COL4A4: variants seen among roughly 807,000 people sequenced by gnomAD.
COL4A4 encodes the protein collagen alpha-4(IV) chain.
In COL4A4, 105 loss-of-function variants were observed where a neutral mutation model predicts 192.9. The observed-to-expected ratio is 0.54, with a 90% CI of 0.46 to 0.64. The LOEUF (loss-of-function observed/expected upper bound fraction) is 0.64. COL4A4 is among the 30% of genes least tolerant of loss of function. COL4A4 has a pLI of 0.00. For missense variants in COL4A4, 1,967 were observed against 2,169.3 expected (o/e 0.91, Z 1.85); for synonymous variants, 762 against 769.9 (o/e 0.99, Z 0.17).
At chr2:227,103,287 C>T in intron 13 of COL4A4, 90 bp from the exon 14 acceptor site, 1 of 1,049,282 alleles carries the variant, frequency 9.5e-7, no homozygotes, top group Non-Finnish European at 1.4e-6. Flanking sequence ...TTTTTACAAT[C>T]TGTTTCACCT....
intron 3 of COL4A4, among the ~76,000 whole-genome samples, chr2:227,141,381 C>T (rs2063198759): frequency 6.6e-6 from 1 of 152,178 alleles, no homozygotes; most frequent in East Asian, 1.9e-4. Flanking sequence ...TATTTATAGT[C>T]CCATGGAAGA....
intron 45 of COL4A4, among the ~76,000 whole-genome samples, chr2:227,011,815 G>C (rs1184742685): frequency 6.6e-6 from 1 of 152,196 alleles, no homozygotes; most frequent in African/African-American, 2.4e-5. Context: ...CACCGTCCCT[G>C]AGGTCTTCAT....
chr2:227,041,810 AAG>A (rs1480986094), intron 37 of COL4A4, among the ~76,000 whole-genome samples: 2 of 24,146 alleles, frequency 8.3e-5, no homozygotes, highest in African/African-American at 2.4e-4. Context: ...GAAAGGAAGA[AAG>A]AAAGAAAGAA....
At chr2:227,095,610 G>A (rs1487633502) in intron 19 of COL4A4, among the ~76,000 whole-genome samples, 9 of 152,128 alleles carry the variant, frequency 5.9e-5, no homozygotes. Context: ...ATAGCTGAAA[G>A]CTGGCCAGGC....
At position 227,048,557 on chromosome 2, in the gene COL4A4, GA is replaced by G. The variant is rs1468018087; in HGVS notation, c.3215-1009del. Among the ~76,000 whole-genome samples, 10 of 152,250 alleles carry G rather than the reference GA, an allele frequency of 6.6e-5. No individual in the cohort carries two copies. The East Asian group carries it at 1.4e-3, about 21-fold the overall frequency. On this transcript the variant is annotated intron_variant, in intron 34 of 47. Coordinates refer to ENST00000396625, the MANE Select transcript of COL4A4 (RefSeq NM_000092.5). ...GAAGCCAGTTGGTAGACAGGTAAGT[GA>G]AAAAATAGACCATGGGAAAAAGTGA...
rs766680844 is a variant in COL4A4, at chr2:227,121,561, C to CAAA, written c.193-416_193-414dup. On this transcript the variant is annotated intron_variant, in intron 4 of 47. Transcript: ENST00000396625. Reference sequence around the variant, plus strand: ...TGGGTGACAGAGACAGACCCTATCTCAAAAAAAAAAAAAAAGAAAAGAAAA... The same window carrying CAAA: ...TGGGTGACAGAGACAGACCCTATCTCAAAAAAAAAAAAAAAAAAGAAAAGAAAA... Among the ~76,000 whole-genome samples the CAAA allele has an allele frequency of 7.0e-3, 415 of 58,922 alleles. 4 individuals are homozygous for CAAA. The highest frequency in any genetic ancestry group is 0.021 in the African/African-American group (388 of 18,378). The allele number at this position is 58,922 out of a possible 152,430, so 38.7% of individuals were successfully genotyped here.
At position 227,121,732 on chromosome 2, in the gene COL4A4, T is replaced by C. The variant is rs555404344; in HGVS notation, c.193-584A>G. 2.0e-5 allele frequency among the ~76,000 whole-genome samples: 3 copies of C among 152,290 alleles called. No homozygotes were observed. The South Asian group carries it at 6.2e-4, about 32-fold the overall frequency. ...TATGATAAATTTCAATTACTGCACATGTGTATATGTATGTATGTGTGCAGT... is the reference window on the plus strand; with the variant it reads ...TATGATAAATTTCAATTACTGCACACGTGTATATGTATGTATGTGTGCAGT... On this transcript the variant is annotated intron_variant, in intron 4 of 47. Transcript: ENST00000396625.
intron 22 of COL4A4, among the ~76,000 whole-genome samples, chr2:227,083,900 A>G (rs1444774066): frequency 6.6e-6 from 1 of 152,240 alleles, no homozygotes; most frequent in Non-Finnish European, 1.5e-5. Flanking sequence ...TCAGGCAGTA[A>G]CAGTGAAGAG....
Position 227,068,696 on chromosome 2 carries a change from A to C in COL4A4, c.1988-6098T>G, listed in dbSNP as rs2058510376. 5.3e-5 allele frequency among the ~76,000 whole-genome samples: 8 copies of C among 151,780 alleles called. No individual in the cohort carries two copies. The South Asian group carries it at 1.7e-3, about 31-fold the overall frequency. ...TCATGCTAAAAACTCTCAATAAATTAGGTATTGATGGGACATATTTCAAAA... is the reference window on the plus strand; with the variant it reads ...TCATGCTAAAAACTCTCAATAAATTCGGTATTGATGGGACATATTTCAAAA... On this transcript the variant is annotated intron_variant, in intron 25 of 47. Transcript: ENST00000396625.
intron 21 of COL4A4, among the ~76,000 whole-genome samples, chr2:227,089,058 A>T (rs2059757550): frequency 6.6e-6 from 1 of 152,180 alleles, no homozygotes; most frequent in Non-Finnish European, 1.5e-5. Flanking sequence ...TCGTTCCTTA[A>T]TAAATTTATC....
intron 22 of COL4A4, among the ~76,000 whole-genome samples, chr2:227,082,794 T>C (rs2059392488): frequency 6.6e-6 from 1 of 152,256 alleles, no homozygotes; most frequent in South Asian, 2.1e-4. Context: ...GAAGCTAATA[T>C]ATTTATTCTG....
intron 4 of COL4A4, among the ~76,000 whole-genome samples, chr2:227,134,480 T>C (rs569938272): frequency 3.9e-5 from 6 of 152,300 alleles, no homozygotes; most frequent in East Asian, 3.9e-4. Flanking sequence ...TTTGGGGACA[T>C]AAAAATTATT....
chr2:226,977,076 A>C, the COL4A4 span, among the ~76,000 whole-genome samples: 75,233 of 151,968 alleles, frequency 0.5, 19,537 homozygotes, highest in African/African-American at 0.66. Context: ...CACTGCTCTC[A>C]TGAATGCCTG....
chr2:227,060,217 C>T lies in COL4A4; in HGVS notation c.2083G>A (p.Gly695Ser). 6.2e-7 allele frequency: 1 copy of T among 1,612,326 alleles called. No homozygotes were observed. The highest frequency in any genetic ancestry group is 8.5e-7 in the Non-Finnish European group (1 of 1,179,548). The stretch of plus-strand genomic sequence containing the variant: ...TCTGAACCACTCAGCCCAGGGGCAC[C>T]TTGGGGACCTGGAAATCCCTTCGGA... ...PGPKGFPGPQ[G>S]APGLSGSDGH... Residue 695 changes from glycine (G) to serine (S), a missense_variant, in exon 27 of 48, where the codon GGT (glycine) becomes AGT (serine). Coordinates refer to ENST00000396625, the MANE Select transcript of COL4A4 (RefSeq NM_000092.5).
intron 25 of COL4A4, among the ~76,000 whole-genome samples, chr2:227,070,098 A>T (rs1447893474): frequency 6.6e-6 from 1 of 152,194 alleles, no homozygotes; most frequent in Non-Finnish European, 1.5e-5. Flanking sequence ...ACATTTATGC[A>T]GCCAAAAAAC....
chr2:227,104,122 T>G (rs1410138259), intron 12 of COL4A4, 70 bp from the exon 13 acceptor site: 2 of 1,249,188 alleles, frequency 1.6e-6, no homozygotes, highest in Non-Finnish European at 2.3e-6. Flanking sequence ...ACCCATGTAT[T>G]GTGGTATAAT....
At chr2:227,044,349 G>A (rs990216787) in intron 35 of COL4A4, among the ~76,000 whole-genome samples, 27 of 152,254 alleles carry the variant, frequency 1.8e-4, no homozygotes, top group African/African-American at 4.6e-4. Flanking sequence ...TTTAATGCAC[G>A]TTTATGGGAT....
At chr2:227,137,024 C>A (rs887794872) in intron 4 of COL4A4, among the ~76,000 whole-genome samples, 3 of 152,190 alleles carry the variant, frequency 2.0e-5, no homozygotes, top group Non-Finnish European at 4.4e-5. Flanking sequence ...GAAGATGTCA[C>A]AACGACTTGC....
chr2:227,089,588 C>CATATATAT lies in COL4A4; in HGVS notation c.1459+272_1459+279dup, dbSNP rs527917534. Among the ~76,000 whole-genome samples the CATATATAT allele has an allele frequency of 2.6e-3, 265 of 102,212 alleles. 11 individuals are homozygous for CATATATAT. Among genetic ancestry groups the CATATATAT allele is most frequent in the East Asian group, 9.2e-3 (30 of 3,248 alleles). The allele number at this position is 102,212 out of a possible 152,430, so 67.1% of individuals were successfully genotyped here. A position where few individuals can be genotyped will look rare whatever the true frequency, so the allele number is the denominator to read the frequency against. ...CAAAATTCATGGCAGGCAAATGTTCCATATATATATATATATATATACATA... is the reference window on the plus strand; with the variant it reads ...CAAAATTCATGGCAGGCAAATGTTCCATATATATATATATATATATATATATATACATA... On this transcript the variant is annotated intron_variant, in intron 21 of 47. Coordinates refer to ENST00000396625, the MANE Select transcript of COL4A4 (RefSeq NM_000092.5).
Sources: gnomAD v4.1 joint callset for allele counts (sites outside exome capture counted in the v4.1 genomes callset) on GRCh38, gnomAD v4.1.1 for gene constraint, MANE v1.5 for transcripts, NCBI Gene and HGNC (gene_info 2026-07-23, HGNC 2026-07-21) for gene names.